CD33: variants seen among roughly 807,000 people sequenced by gnomAD.
CD33 encodes myeloid cell surface antigen CD33.
In CD33, 25 loss-of-function variants were observed where a neutral mutation model predicts 31.4. The observed-to-expected ratio is 0.80, with a 90% CI of 0.58 to 1.11. The LOEUF (loss-of-function observed/expected upper bound fraction) is 1.11, where lower values mean the gene tolerates loss of function less well. Ranked by LOEUF, CD33 falls within the 50% of genes most tolerant of loss-of-function variation. CD33 has a pLI of 0.00. For synonymous variants in CD33, 176 were observed against 180.6 expected (o/e 0.97, Z 0.20); for missense variants, 407 against 448.1 (o/e 0.91, Z 0.83).
chr19:51,235,545 C>A, intron 5 of CD33, 50 bp from the exon 6 acceptor site: 1 of 1,579,342 alleles, frequency 6.3e-7, no homozygotes, highest in Middle Eastern at 1.7e-4. Flanking sequence ...ATAACAATGG[C>A]CCCACAGCCT....
intron 6 of CD33, chr19:51,237,034 C>T (rs1027101720): frequency 6.6e-6 from 1 of 152,338 alleles, no homozygotes; most frequent in African/African-American, 2.4e-5. Flanking sequence ...GCTCCCCCAA[C>T]ATTAGCCACT....
At position 51,239,950 on chromosome 19, in the gene CD33, G is replaced by A; in HGVS notation, c.*262G>A. On this transcript the variant is annotated 3_prime_UTR_variant, in exon 7 of 7. Transcript: ENST00000262262. ...TCTCCATTTTCTTCTCTGTGAAGTAGGTATAAGAAGTCCTATCTCATAGGG... is the reference window on the plus strand; with the variant it reads ...TCTCCATTTTCTTCTCTGTGAAGTAAGTATAAGAAGTCCTATCTCATAGGG... 1 of 302,234 alleles carries A rather than the reference G, an allele frequency of 3.3e-6. No homozygotes were observed. The highest frequency in any genetic ancestry group is 6.1e-6 in the Non-Finnish European group (1 of 164,986). 18.7% of individuals were successfully genotyped at this position (302,234 alleles called of 1,614,324 possible). A position where few individuals can be genotyped will look rare whatever the true frequency, so the allele number is the denominator to read the frequency against.
At chr19:51,211,924 C>T in the CD33 span, 83 of 1,433,380 alleles carry the variant, frequency 5.8e-5, no homozygotes, top group Non-Finnish European at 8.0e-5. Context: ...TCAGCTGCCC[C>T]CATCTCCCTG....
chr19:51,234,594 T>G (rs550916090), intron 4 of CD33, among the ~76,000 whole-genome samples: 1 of 152,190 alleles, frequency 6.6e-6, no homozygotes, highest in African/African-American at 2.4e-5. Context: ...TATCAAACTG[T>G]TAACAATGAT....
At chr19:51,217,340 T>C in the CD33 span, among the ~76,000 whole-genome samples, 1 of 152,272 alleles carries the variant, frequency 6.6e-6, no homozygotes, top group Non-Finnish European at 1.5e-5. Flanking sequence ...AAAGCCAGAA[T>C]GTTCCTCTGA....
chr19:51,212,334 G>A, the CD33 span, among the ~76,000 whole-genome samples: 142 of 152,210 alleles, frequency 9.3e-4, 1 homozygote, highest in African/African-American at 3.4e-3. Context: ...AAAGATTGGT[G>A]TCTCCCTAGG....
chr19:51,227,816 C>G (rs1981136786), intron 4 of CD33, among the ~76,000 whole-genome samples: 1 of 152,086 alleles, frequency 6.6e-6, no homozygotes, highest in East Asian at 1.9e-4. Context: ...TAAAGCATTT[C>G]CCCTATGTTT....
In CD33 at chr19:51,226,334, T is replaced by C. The variant is rs199795598; in HGVS notation, c.723T>C (p.Gly241=). 23 of 1,611,606 alleles carry C rather than the reference T, an allele frequency of 1.4e-5. No individual in the cohort carries two copies. The South Asian group carries it at 2.2e-4, about 15-fold the overall frequency. The part of the protein sequence containing the change: ...VTYVPQNPTT[G]IFPGDGSGKQ... ...ATGTTCCACAGAACCCAACAACTGG[T>C]ATCTTTCCAGGAGATGGCTCAGGTA... is the stretch of plus-strand genomic sequence containing the variant. The change falls in exon 4 of 7, where the codon GGT becomes GGC. Residue 241 remains glycine (G), a synonymous_variant. Coordinates refer to ENST00000262262, the MANE Select transcript of CD33 (RefSeq NM_001772.4).
chr19:51,238,396 C>T (rs114471527), intron 6 of CD33: 4 of 152,128 alleles, frequency 2.6e-5, no homozygotes, highest in African/African-American at 9.7e-5. Context: ...ATCCAATAAT[C>T]GATGAATCTA....
At position 51,225,202 on chromosome 19, in the gene CD33, C is replaced by T. The variant is rs774977308; in HGVS notation, c.38-16C>T. The stretch of plus-strand genomic sequence containing the variant: ...GGTTGTCGGGCTGGGCCGAGCTGAC[C>T]CTCGTTTCCCCACAGGGGCCCTGGC... On this transcript the variant is annotated splice_polypyrimidine_tract_variant and intron_variant, in intron 1 of 6. Coordinates refer to ENST00000262262, the MANE Select transcript of CD33 (RefSeq NM_001772.4). The T allele has an allele frequency of 6.2e-7, 1 of 1,613,152 alleles. No individual in the cohort carries two copies. Among genetic ancestry groups the T allele is most frequent in the South Asian group, 1.1e-5 (1 of 91,002 alleles).
chr19:51,235,302 AC>A lies in CD33; in HGVS notation c.842+51del, dbSNP rs771318459. 1.6e-5 allele frequency: 25 copies of A among 1,547,276 alleles called. No homozygotes were observed. The East Asian group carries it at 4.9e-4, about 31-fold the overall frequency. The stretch of plus-strand genomic sequence containing the variant: ...CATGGGCCAGAGGTGAAGAGGATGG[AC>A]CTGGTGTAGAAGGGTCCTGGAGGGG... On this transcript the variant is annotated intron_variant, in intron 5 of 6. Transcript: ENST00000262262.
At chr19:51,234,240 G>A (rs1981623582) in intron 4 of CD33, among the ~76,000 whole-genome samples, 2 of 152,112 alleles carry the variant, frequency 1.3e-5, no homozygotes, top group Non-Finnish European at 2.9e-5. Context: ...TCCCCCATCA[G>A]AGTGGTACAT....
At position 51,237,409 on chromosome 19, in the gene CD33, T is replaced by C. The variant is rs1396593750; in HGVS notation, c.924+1733T>C. 2.6e-5 allele frequency: 4 copies of C among 152,298 alleles called. No homozygotes were observed. The East Asian group carries it at 7.7e-4, about 29-fold the overall frequency. The allele number at this position is 152,298 out of a possible 1,614,324, so 9.4% of individuals were successfully genotyped here. Reference sequence around the variant, plus strand: ...AATGAACAAATAAGCAGTGCAAATATACATGAAATAGGCATGAAATAAGTG... The same window carrying C: ...AATGAACAAATAAGCAGTGCAAATACACATGAAATAGGCATGAAATAAGTG... On this transcript the variant is annotated intron_variant, in intron 6 of 6. Coordinates refer to ENST00000262262, the MANE Select transcript of CD33 (RefSeq NM_001772.4).
At chr19:51,214,398 A>C in the CD33 span, among the ~76,000 whole-genome samples, 318 of 150,462 alleles carry the variant, frequency 2.1e-3, no homozygotes, top group Non-Finnish European at 3.7e-3. Flanking sequence ...GGGTTTCACC[A>C]TGTTGGTCAG....
chr19:51,222,871 A>T (rs535477298), upstream of CD33, among the ~76,000 whole-genome samples: 1 of 152,222 alleles, frequency 6.6e-6, no homozygotes, highest in Admixed American at 6.5e-5. Flanking sequence ...TAAGACTCAC[A>T]TATTCATATT....
chr19:51,214,824 T>A, the CD33 span, among the ~76,000 whole-genome samples: 1 of 152,218 alleles, frequency 6.6e-6, no homozygotes, highest in Non-Finnish European at 1.5e-5. Flanking sequence ...AAACAGAATT[T>A]TAAATTTTGA....
the CD33 span, among the ~76,000 whole-genome samples, chr19:51,213,386 A>G: frequency 6.6e-6 from 1 of 152,196 alleles, no homozygotes; most frequent in East Asian, 1.9e-4. Context: ...AAAACCTCTA[A>G]CTTTTTGAAG....
chr19:51,239,440 C>T, intron 6 of CD33, 78 bp from the exon 7 acceptor site: 2 of 1,095,406 alleles, frequency 1.8e-6, no homozygotes. Context: ...GTCAAATTTA[C>T]TTCATTGACC....
intron 4 of CD33, among the ~76,000 whole-genome samples, chr19:51,233,009 C>T (rs1377588375): frequency 6.6e-6 from 1 of 152,170 alleles, no homozygotes; most frequent in Non-Finnish European, 1.5e-5. Context: ...GGGGGTGTAC[C>T]AGCCAGTGGT....
Sources: allele counts gnomAD v4.1 joint callset (sites outside exome capture counted in the v4.1 genomes callset), GRCh38; gene constraint gnomAD v4.1.1; transcripts MANE v1.5; gene names NCBI Gene and HGNC (gene_info 2026-07-23, HGNC 2026-07-21).